Variants in GAB1 observed in about 807,000 individuals in gnomAD.
GAB1 encodes GRB2 associated binding protein 1, also known as GRB2-associated-binding protein 1.
A neutral mutation model predicts 66.5 loss-of-function variants in GAB1; 19 were observed. That is an observed-to-expected ratio of 0.29 (90% CI 0.20 to 0.42). GAB1 has a LOEUF of 0.42. Ranked by LOEUF, GAB1 falls within the 10% of genes least tolerant of loss-of-function variation. GAB1 has a pLI of 1.00. For missense variants in GAB1, 732 were observed against 858.5 expected (o/e 0.85, Z 1.84); for synonymous variants, 294 against 301.4 (o/e 0.98, Z 0.25).
At chr4:143,380,180 G>A (rs1463753643) in intron 1 of GAB1, among the ~76,000 whole-genome samples, 1 of 151,434 alleles carries the variant, frequency 6.6e-6, no homozygotes, top group Non-Finnish European at 1.5e-5. Flanking sequence ...CATAAAATGA[G>A]AATATTGAAT....
At chr4:143,429,198 A>T (rs1203534798) in intron 2 of GAB1, among the ~76,000 whole-genome samples, 30 of 152,034 alleles carry the variant, frequency 2.0e-4, no homozygotes, top group Admixed American at 2.0e-3. Flanking sequence ...CGCCTCCTGG[A>T]TTCAAGTGAT....
At chr4:143,452,847 A>C (rs1370266134) in intron 6 of GAB1, among the ~76,000 whole-genome samples, 1 of 152,200 alleles carries the variant, frequency 6.6e-6, no homozygotes, top group Non-Finnish European at 1.5e-5. Flanking sequence ...TTAAACATTC[A>C]GGCTCACATG....
rs117059492 is a variant in GAB1 at position 143,425,009 on chromosome 4, G to A, written c.368-8482G>A. 3.7e-3 allele frequency: 2,606 copies of A among 709,514 alleles called. 80 individuals carry two copies. The East Asian group carries it at 0.064, about 17-fold the overall frequency. The allele number at this position is 709,514 out of a possible 1,614,324, so 44.0% of individuals were successfully genotyped here. A position where few individuals can be genotyped will look rare whatever the true frequency, so the allele number is the denominator to read the frequency against. On this transcript the variant is annotated intron_variant, in intron 2 of 9. Coordinates refer to ENST00000262994, the MANE Select transcript of GAB1 (RefSeq NM_002039.4). ...CTACCCACAGAGGGGTCCATACGGCGTTGTTCTGGATTCCCGTTGTAACTT... is the reference window on the plus strand; with the variant it reads ...CTACCCACAGAGGGGTCCATACGGCATTGTTCTGGATTCCCGTTGTAACTT...
intron 1 of GAB1, among the ~76,000 whole-genome samples, chr4:143,370,479 G>A (rs1730072952): frequency 6.6e-6 from 1 of 152,202 alleles, no homozygotes. Context: ...GTAGATTGGA[G>A]TTAAGTGGAA....
rs554406287 is a variant in GAB1 at position 143,344,652 on chromosome 4, A to G, written c.72+7392A>G. ...CAGTGGGATGGCTATAGGAGCCTCA[A>G]TAAATTGTAGATGACAATTTAGGCC... On this transcript the variant is annotated intron_variant, in intron 1 of 9. Coordinates refer to ENST00000262994, the MANE Select transcript of GAB1 (RefSeq NM_002039.4). Among the ~76,000 whole-genome samples the G allele has an allele frequency of 2.5e-4, 38 of 152,316 alleles. No individual in the cohort carries two copies. In the East Asian group the frequency reaches 2.9e-3, roughly 12 times the overall value.
intron 1 of GAB1, among the ~76,000 whole-genome samples, chr4:143,368,860 C>A (rs1729995813): frequency 6.6e-6 from 1 of 152,122 alleles, no homozygotes; most frequent in Admixed American, 6.5e-5. Context: ...TCTTGACTTA[C>A]TGCAACCTCT....
intron 1 of GAB1, among the ~76,000 whole-genome samples, chr4:143,373,868 A>AATAAATAAATAAATAAATATATATATAT: frequency 9.6e-5 from 9 of 93,668 alleles, no homozygotes; most frequent in African/African-American, 4.2e-4. Context: ...TAAATAAATA[A>AATAAATAAATAAATAAATATATATATAT]ATATATATAT....
rs1254808018 is a variant in GAB1 at position 143,469,131 on chromosome 4, C to G, written c.2027C>G (p.Ala676Gly). The G allele has an allele frequency of 1.2e-6, 2 of 1,614,114 alleles. No homozygotes were observed. The highest frequency in any genetic ancestry group is 1.7e-6 in the Non-Finnish European group (2 of 1,179,982). Residue 676 changes from alanine to glycine, a missense_variant, in exon 10 of 10, where the codon GCC becomes GGC. Around this residue, in one of 4 missense-constraint regions of GAB1, gnomAD observed 204 missense variants for 276.8 expected, o/e 0.74. Coordinates refer to ENST00000262994, the MANE Select transcript of GAB1 (RefSeq NM_002039.4). ...TTGGCTCTAAAGAGTACCCGGGAAG[C>G]CTGGACAGATGGGAGACAGTCCACA... ...KTLALKSTRE[A>G]WTDGRQSTES...
chr4:143,414,097 A>G (rs567927454), intron 1 of GAB1, among the ~76,000 whole-genome samples: 1 of 152,102 alleles, frequency 6.6e-6, no homozygotes, highest in Non-Finnish European at 1.5e-5. Flanking sequence ...TGCTGGGATT[A>G]CAGGCATGAG....
chr4:143,399,449 C>T (rs766565767), intron 1 of GAB1, among the ~76,000 whole-genome samples: 23 of 152,184 alleles, frequency 1.5e-4, no homozygotes, highest in Non-Finnish European at 2.8e-4. Context: ...TACAGGTAAC[C>T]TCTTTGTGCT....
At chr4:143,339,331 C>T (rs563470292) in intron 1 of GAB1, among the ~76,000 whole-genome samples, 4 of 152,114 alleles carry the variant, frequency 2.6e-5, no homozygotes, top group Admixed American at 6.6e-5. Flanking sequence ...GCCAACATGG[C>T]GAAACTCTGT....
At chr4:143,425,220 C>G (rs1429403000) in intron 2 of GAB1, 1 of 908,792 alleles carries the variant, frequency 1.1e-6, no homozygotes, top group East Asian at 2.4e-5. Context: ...CTGGGAGAAG[C>G]TTCTGCTGGC....
intron 7 of GAB1, 95 bp downstream of exon 7, chr4:143,459,573 A>C: frequency 1.2e-6 from 1 of 808,028 alleles, no homozygotes; most frequent in Non-Finnish European, 2.1e-6. Context: ...AGTGGTTCTC[A>C]ATGGATGATC....
rs534117116 is a variant in GAB1 at position 143,410,538 on chromosome 4, A to G, written c.73-4939A>G. Among the ~76,000 whole-genome samples the G allele has an allele frequency of 4.6e-5, 7 of 152,352 alleles. No individual in the cohort carries two copies. In the East Asian group the frequency reaches 1.2e-3, roughly 25 times the overall value. Reference sequence around the variant, plus strand: ...ACATACCCATACTCTAGGGTGTGTGATAAGCCTGCCTTAAGACCTAGCTTC... The same window carrying G: ...ACATACCCATACTCTAGGGTGTGTGGTAAGCCTGCCTTAAGACCTAGCTTC... On this transcript the variant is annotated intron_variant, in intron 1 of 9. Coordinates refer to ENST00000262994, the MANE Select transcript of GAB1 (RefSeq NM_002039.4).
In GAB1 at chr4:143,471,186, G is replaced by A. The variant is rs955608501; in HGVS notation, c.*1997G>A. The A allele has an allele frequency of 2.6e-5, 4 of 152,126 alleles. No individual in the cohort carries two copies. The highest frequency in any genetic ancestry group is 9.7e-5 in the African/African-American group (4 of 41,438). 9.4% of individuals were successfully genotyped at this position (152,126 alleles called of 1,614,324 possible). A position where few individuals can be genotyped will look rare whatever the true frequency, so the allele number is the denominator to read the frequency against. On this transcript the variant is annotated 3_prime_UTR_variant, in exon 10 of 10. Coordinates refer to ENST00000262994, the MANE Select transcript of GAB1 (RefSeq NM_002039.4). ...AAATCTTTACAGCTGCCTATCAAGG[G>A]TCTAAAGCACTTAATGAATGTTTTT...
chr4:143,417,249 G>A (rs766288505), intron 2 of GAB1, among the ~76,000 whole-genome samples: 14 of 152,232 alleles, frequency 9.2e-5, no homozygotes, highest in Non-Finnish European at 1.6e-4. Context: ...CTTGACTGGG[G>A]CAGTAAGGCT....
At chr4:143,464,465 G>C (rs1294533360) in intron 8 of GAB1, among the ~76,000 whole-genome samples, 1 of 151,916 alleles carries the variant, frequency 6.6e-6, no homozygotes, top group Non-Finnish European at 1.5e-5. Context: ...CCTGACCTCA[G>C]GTGGTCCGCC....
intron 6 of GAB1, among the ~76,000 whole-genome samples, chr4:143,450,777 G>A (rs905367851): frequency 3.3e-5 from 5 of 152,010 alleles, no homozygotes; most frequent in African/African-American, 1.2e-4. Flanking sequence ...TGTAATCCCA[G>A]CTACTTGGGA....
intron 1 of GAB1, among the ~76,000 whole-genome samples, chr4:143,344,057 T>C (rs1728910351): frequency 6.6e-6 from 1 of 152,242 alleles, no homozygotes; most frequent in South Asian, 2.1e-4. Context: ...TTAAGATTTC[T>C]TTATGTCTGT....
Sources: allele counts gnomAD v4.1 joint callset (sites outside exome capture counted in the v4.1 genomes callset), GRCh38; gene constraint gnomAD v4.1.1; regional missense constraint gnomAD v4.1.1; transcripts MANE v1.5; gene names NCBI Gene and HGNC (gene_info 2026-07-23, HGNC 2026-07-21).